Variants in C10orf105 observed in about 807,000 individuals in gnomAD.
C10orf105 encodes the protein uncharacterized protein C10orf105.
In C10orf105, 2 loss-of-function variants were observed where a neutral mutation model predicts 0.6. The ratio of observed to expected loss-of-function variants is 3.18; its 90% CI spans 1.30 to 10.01. The LOEUF (loss-of-function observed/expected upper bound fraction) is 10.01. C10orf105 is among the 30% of genes most tolerant of loss of function. The pLI is 0.04. For synonymous variants in C10orf105, 95 were observed against 82.4 expected (o/e 1.15, Z -0.83); for missense variants, 209 against 191.4 (o/e 1.09, Z -0.54).
intron 1 of C10orf105, among the ~76,000 whole-genome samples, chr10:71,725,763 G>A (rs188344428): frequency 4.6e-5 from 7 of 152,336 alleles, no homozygotes. Context: ...TCTGTCCTAA[G>A]GGATGAAAGA....
chr10:71,734,959 C>G (rs763829505), intron 1 of C10orf105, among the ~76,000 whole-genome samples: 1 of 152,250 alleles, frequency 6.6e-6, no homozygotes, highest in Non-Finnish European at 1.5e-5. Flanking sequence ...CTCCACTCCT[C>G]GATGGCTGTG....
intron 1 of C10orf105, chr10:71,732,544 A>G: frequency 7.6e-7 from 1 of 1,318,302 alleles, no homozygotes; most frequent in Non-Finnish European, 1.0e-6. Context: ...GGGCAGGAAG[A>G]TTGCTTCAGC....
intron 1 of C10orf105, chr10:71,737,627 CT>C: frequency 2.2e-6 from 1 of 461,012 alleles, no homozygotes; most frequent in South Asian, 1.6e-5. Context: ...AGAATGGGGT[CT>C]GGCCTGGGGC....
At chr10:71,717,109 G>C (rs552851486) in intron 1 of C10orf105, 14 of 152,262 alleles carry the variant, frequency 9.2e-5, no homozygotes, top group African/African-American at 3.4e-4. Context: ...TTGCTCCCAC[G>C]ACAGGTGGGA....
At chr10:71,718,291 C>T (rs556015392) in intron 1 of C10orf105, among the ~76,000 whole-genome samples, 1 of 152,354 alleles carries the variant, frequency 6.6e-6, no homozygotes, top group South Asian at 2.1e-4. Flanking sequence ...TCACCAGCAG[C>T]CGCAGGACCT....
intron 1 of C10orf105, chr10:71,734,548 C>T (rs1341418485): frequency 6.8e-6 from 11 of 1,607,434 alleles, no homozygotes; most frequent in Non-Finnish European, 9.3e-6. Flanking sequence ...GAGGGTGGCA[C>T]CTCCAGAGAC....
intron 1 of C10orf105, among the ~76,000 whole-genome samples, chr10:71,726,845 C>A (rs879295185): frequency 6.6e-6 from 1 of 152,226 alleles, no homozygotes; most frequent in Non-Finnish European, 1.5e-5. Context: ...CTCACCCAGG[C>A]GTGGTGGGCT....
rs1229742938 is a variant in C10orf105 at position 71,714,318 on chromosome 10, G to A, written c.*1618C>T. On this transcript the variant is annotated 3_prime_UTR_variant, in exon 2 of 2. Coordinates refer to ENST00000441508, the MANE Select transcript of C10orf105 (RefSeq NM_001164375.3). Reference sequence around the variant, plus strand: ...TGGGGACACACCCAGGCTGGGCCACGCTTCACTCTGTACACAGAAGCCTCA... The same window carrying A: ...TGGGGACACACCCAGGCTGGGCCACACTTCACTCTGTACACAGAAGCCTCA... 3 of 152,056 alleles carry A rather than the reference G, an allele frequency of 2.0e-5. No individual in the cohort carries two copies. Among genetic ancestry groups the A allele is most frequent in the Admixed American group, 1.3e-4 (2 of 15,270 alleles). 9.4% of individuals were successfully genotyped at this position (152,056 alleles called of 1,614,324 possible). A position where few individuals can be genotyped will look rare whatever the true frequency, so the allele number is the denominator to read the frequency against.
chr10:71,725,330 T>C (rs757906314), intron 1 of C10orf105: 1 of 1,613,972 alleles, frequency 6.2e-7, no homozygotes, highest in Non-Finnish European at 8.5e-7. Flanking sequence ...AGGAGACTTC[T>C]GGGCAGGGCC....
At position 71,732,296 on chromosome 10, in the gene C10orf105, A is replaced by G. The variant is rs1207348582; in HGVS notation, c.-6+5432T>C. 1 of 1,612,350 alleles carries G rather than the reference A, an allele frequency of 6.2e-7. No individual in the cohort carries two copies. On this transcript the variant is annotated intron_variant, in intron 1 of 1. Transcript: ENST00000398786. ...CGGGTCCAGGCCTACTCCATCGACA[A>G]CCTCAACCAAATCACGTACCGCTTC...
At position 71,712,656 on chromosome 10, in the gene C10orf105, C is replaced by T. The variant is rs1206419130; in HGVS notation, c.*3280G>A. ...GCTGCTAACACCTGTCTTCCTTCAACTCCCACAGACAACGGCCCTGTAGGG... is the reference window on the plus strand; with the variant it reads ...GCTGCTAACACCTGTCTTCCTTCAATTCCCACAGACAACGGCCCTGTAGGG... On this transcript the variant is annotated 3_prime_UTR_variant, in exon 2 of 2. Transcript: ENST00000441508. 9 of 1,612,684 alleles carry T rather than the reference C, an allele frequency of 5.6e-6. No homozygotes were observed. Among genetic ancestry groups the T allele is most frequent in the African/African-American group, 5.3e-5 (4 of 74,948 alleles).
chr10:71,733,532 C>G (rs1452956331), intron 1 of C10orf105, among the ~76,000 whole-genome samples: 1 of 152,156 alleles, frequency 6.6e-6, no homozygotes, highest in Non-Finnish European at 1.5e-5. Flanking sequence ...ACAAAAGACT[C>G]CTATCACCTA....
At position 71,712,705 on chromosome 10, in the gene C10orf105, C is replaced by T. The variant is rs779296930; in HGVS notation, c.*3231G>A. The T allele has an allele frequency of 2.7e-5, 43 of 1,613,586 alleles. No individual in the cohort carries two copies. The highest frequency in any genetic ancestry group is 2.3e-4 in the Admixed American group (14 of 59,992). On this transcript the variant is annotated 3_prime_UTR_variant, in exon 2 of 2. Coordinates refer to ENST00000441508, the MANE Select transcript of C10orf105 (RefSeq NM_001164375.3). ...GGAAGCGACACACGGGCACAGCCAC[C>T]GTGTTCGTCACTGTCCTGGATGTGA...
At position 71,713,544 on chromosome 10, in the gene C10orf105, G is replaced by A; in HGVS notation, c.*2392C>T. ...CCCCTCCCTGCATCGGGACCAGGAG[G>A]CGGGCAGGAAAGGGCTGGGGAGCAG... On this transcript the variant is annotated 3_prime_UTR_variant, in exon 2 of 2. Transcript: ENST00000441508. The A allele has an allele frequency of 2.0e-6, 1 of 496,328 alleles. No individual in the cohort carries two copies. The highest frequency in any genetic ancestry group is 3.6e-6 in the Non-Finnish European group (1 of 276,302). 30.7% of individuals were successfully genotyped at this position (496,328 alleles called of 1,614,324 possible).
intron 1 of C10orf105, chr10:71,718,043 G>C (rs975987347): frequency 2.6e-5 from 4 of 152,226 alleles, no homozygotes; most frequent in African/African-American, 9.7e-5. Flanking sequence ...CAGGGGGTCT[G>C]ATAAAAAGTC....
At chr10:71,730,577 G>T (rs377358096) in intron 1 of C10orf105, 4 of 1,613,878 alleles carry the variant, frequency 2.5e-6, no homozygotes, top group Non-Finnish European at 3.4e-6. Flanking sequence ...GTCAGTCATC[G>T]TGGTCCAAGC....
Position 71,719,103 on chromosome 10 carries a change from T to A in C10orf105, c.-6+524A>T, listed in dbSNP as rs551681973. ...AAAAAAATAAAAAATAAAAAAAAAA[T>A]AAGTGGAGTTGTAATTAGCATCTGA... is the stretch of plus-strand genomic sequence containing the variant. On this transcript the variant is annotated intron_variant, in intron 1 of 1. Transcript: ENST00000441508. Among the ~76,000 whole-genome samples the A allele has an allele frequency of 4.0e-5, 6 of 151,342 alleles. No individual in the cohort carries two copies. In the South Asian group the frequency reaches 1.0e-3, roughly 26 times the overall value.
intron 1 of C10orf105, among the ~76,000 whole-genome samples, chr10:71,736,030 C>A (rs916209745): frequency 1.3e-5 from 2 of 152,234 alleles, no homozygotes. Flanking sequence ...GCAGGTGTTG[C>A]GAGAAGGCTG....
chr10:71,721,475 A>G (rs918043369), upstream of C10orf105, among the ~76,000 whole-genome samples: 1 of 152,162 alleles, frequency 6.6e-6, no homozygotes, highest in African/African-American at 2.4e-5. Flanking sequence ...GCTGGTCATC[A>G]TTGTGCCCAG....
Sources: gnomAD v4.1 joint callset for allele counts (sites outside exome capture counted in the v4.1 genomes callset) on GRCh38, gnomAD v4.1.1 for gene constraint, MANE v1.5 for transcripts, NCBI Gene and HGNC (gene_info 2026-07-23, HGNC 2026-07-21) for gene names.